SMOC1: variants seen among roughly 807,000 people sequenced by gnomAD.
SMOC1 encodes the protein SPARC-related modular calcium-binding protein 1.
A neutral mutation model predicts 56.3 loss-of-function variants in SMOC1; 22 were observed. The observed-to-expected ratio is 0.39, with a 90% confidence interval of 0.28 to 0.56. The LOEUF (loss-of-function observed/expected upper bound fraction) is 0.56. SMOC1 is among the 20% of genes least tolerant of loss of function. The pLI, the probability that SMOC1 is intolerant of heterozygous loss-of-function variation, is 0.61. For synonymous variants in SMOC1, 193 were observed against 215.0 expected, an observed-to-expected ratio of 0.90 and a Z score of 0.89; for missense variants, 509 against 565.4, an observed-to-expected ratio of 0.90 and a Z score of 1.01.
rs966322601 is a variant in SMOC1 at position 69,908,964 on chromosome 14, C to T, written c.99+29187C>T. ...TGTTTCTTTGAAATGTCCCTCTCTT[C>T]TTCTTCTCTGCCTCCCAGCACTTTA... On this transcript the variant is annotated intron_variant, in intron 1 of 11. Transcript: ENST00000361956. Among the ~76,000 whole-genome samples the T allele has an allele frequency of 3.3e-5, 5 of 152,122 alleles. No individual in the cohort carries two copies. In the South Asian group the frequency reaches 1.0e-3, roughly 31 times the overall value.
intron 7 of SMOC1, among the ~76,000 whole-genome samples, chr14:70,005,335 C>T (rs1217691657): frequency 6.6e-6 from 1 of 152,096 alleles, no homozygotes; most frequent in African/African-American, 2.4e-5. Flanking sequence ...GCACAGAGGC[C>T]TGGGCTAGTC....
At chr14:70,011,969 C>A (rs970818300) in intron 9 of SMOC1, among the ~76,000 whole-genome samples, 6 of 152,160 alleles carry the variant, frequency 3.9e-5, no homozygotes, top group African/African-American at 1.4e-4. Flanking sequence ...AGGCAGATGA[C>A]CCCTGGTGAC....
rs146403230 is a variant in SMOC1, at chr14:70,014,781, G to T, written c.1046+1290G>T. On this transcript the variant is annotated intron_variant, in intron 10 of 11. Transcript: ENST00000361956. Reference sequence around the variant, plus strand: ...TTATATGGCTCACTGAGGAGGGAGCGTTAGTCCCCCGGCATCTGCCCAGAG... The same window carrying T: ...TTATATGGCTCACTGAGGAGGGAGCTTTAGTCCCCCGGCATCTGCCCAGAG... 2.2e-3 allele frequency among the ~76,000 whole-genome samples: 337 copies of T among 152,290 alleles called. 1 individual carries two copies. Among genetic ancestry groups the T allele is most frequent in the African/African-American group, 7.9e-3 (330 of 41,568 alleles).
intron 1 of SMOC1, among the ~76,000 whole-genome samples, chr14:69,936,631 G>A (rs1429573755): frequency 6.6e-6 from 1 of 152,236 alleles, no homozygotes; most frequent in Non-Finnish European, 1.5e-5. Flanking sequence ...ATGCTTTTGA[G>A]GTGACAGCAG....
At chr14:70,020,661 G>A (rs1885682601) in intron 10 of SMOC1, among the ~76,000 whole-genome samples, 1 of 152,168 alleles carries the variant, frequency 6.6e-6, no homozygotes, top group Non-Finnish European at 1.5e-5. Flanking sequence ...GGCAGGGTGG[G>A]GGGCAGCAAT....
At chr14:69,966,680 T>C (rs186599) in intron 3 of SMOC1, among the ~76,000 whole-genome samples, 81,606 of 152,002 alleles carry the variant, frequency 0.54, 24,038 homozygotes, top group African/African-American at 0.79. Flanking sequence ...AAGCTTATTC[T>C]CACAATGAAA....
chr14:69,961,936 A>G (rs1191369477), intron 3 of SMOC1, among the ~76,000 whole-genome samples: 3 of 151,958 alleles, frequency 2.0e-5, no homozygotes, highest in African/African-American at 7.3e-5. Context: ...CATCTTTCTT[A>G]TTAGTATCTT....
chr14:70,010,302 G>C (rs1189819904), intron 7 of SMOC1, among the ~76,000 whole-genome samples: 1 of 152,168 alleles, frequency 6.6e-6, no homozygotes, highest in East Asian at 1.9e-4. Context: ...GCTGTGTCTG[G>C]GCGTGGAAGG....
chr14:69,953,538 G>A lies in SMOC1; in HGVS notation c.378+6G>A. 6.2e-7 allele frequency: 1 copy of A among 1,611,190 alleles called. No homozygotes were observed. Among genetic ancestry groups the A allele is most frequent in the East Asian group, 2.2e-5 (1 of 44,860 alleles). ...AGGATGGCTCCTTTACCCAGGTGAG[G>A]CCTCGGACAATCCTCTTGGGCTCTT... On this transcript the variant is annotated splice_donor_region_variant and intron_variant, in intron 3 of 11. Coordinates refer to ENST00000361956, the MANE Select transcript of SMOC1 (RefSeq NM_001034852.3).
intron 3 of SMOC1, among the ~76,000 whole-genome samples, chr14:69,972,815 C>T (rs1207467695): frequency 6.6e-6 from 1 of 152,230 alleles, no homozygotes; most frequent in African/African-American, 2.4e-5. Context: ...CCTTTGCTGG[C>T]ACTCTGTGCA....
rs147467471 is a variant in SMOC1 at position 69,975,072 on chromosome 14, G to A, written c.379-643G>A. ...AGGATTAGAATTTTTGACTGGGTGCGGTGGCTCACGCCTGTAATCCCAGTA... is the reference window on the plus strand; with the variant it reads ...AGGATTAGAATTTTTGACTGGGTGCAGTGGCTCACGCCTGTAATCCCAGTA... On this transcript the variant is annotated intron_variant, in intron 3 of 11. Coordinates refer to ENST00000361956, the MANE Select transcript of SMOC1 (RefSeq NM_001034852.3). 2.2e-4 allele frequency among the ~76,000 whole-genome samples: 34 copies of A among 152,180 alleles called. 1 individual carries two copies. In the South Asian group the frequency reaches 5.2e-3, roughly 23 times the overall value.
At chr14:70,001,439 G>A (rs1884965883) in intron 7 of SMOC1, among the ~76,000 whole-genome samples, 1 of 152,176 alleles carries the variant, frequency 6.6e-6, no homozygotes, top group South Asian at 2.1e-4. Context: ...CAGTGGGGAG[G>A]AGTATTTTAT....
At chr14:69,906,623 G>A (rs1363568907) in intron 1 of SMOC1, among the ~76,000 whole-genome samples, 1 of 152,182 alleles carries the variant, frequency 6.6e-6, no homozygotes, top group Non-Finnish European at 1.5e-5. Context: ...TAAGTTTTGG[G>A]AAAATTTGCT....
At chr14:69,900,996 A>T (rs951223943) in intron 1 of SMOC1, among the ~76,000 whole-genome samples, 2 of 152,218 alleles carry the variant, frequency 1.3e-5, no homozygotes, top group African/African-American at 4.8e-5. Flanking sequence ...ACTGACATGA[A>T]ATTGGGAATC....
At chr14:69,931,105 G>T (rs1471217897) in intron 1 of SMOC1, among the ~76,000 whole-genome samples, 1 of 152,148 alleles carries the variant, frequency 6.6e-6, no homozygotes, top group Admixed American at 6.5e-5. Context: ...GCTTCCACGG[G>T]TTCTTTCTGG....
intron 10 of SMOC1, among the ~76,000 whole-genome samples, chr14:70,020,342 G>A (rs1885665342): frequency 6.6e-6 from 1 of 152,198 alleles, no homozygotes; most frequent in Admixed American, 6.5e-5. Flanking sequence ...TGTACTTGGA[G>A]TTTGGCCTGG....
At chr14:69,940,371 G>T (rs377643735) in intron 1 of SMOC1, among the ~76,000 whole-genome samples, 1 of 152,192 alleles carries the variant, frequency 6.6e-6, no homozygotes, top group East Asian at 1.9e-4. Context: ...AAGCCAGCAG[G>T]CTCAGTGCCA....
At chr14:69,930,741 T>G (rs1178001986) in intron 1 of SMOC1, among the ~76,000 whole-genome samples, 2 of 152,194 alleles carry the variant, frequency 1.3e-5, no homozygotes, top group Non-Finnish European at 2.9e-5. Flanking sequence ...TGAAGCCGGC[T>G]TCCCAGGCAA....
Position 70,031,412 on chromosome 14 carries a change from G to A in SMOC1, c.*1154G>A, listed in dbSNP as rs911721477. On this transcript the variant is annotated 3_prime_UTR_variant, in exon 12 of 12. Coordinates refer to ENST00000361956, the MANE Select transcript of SMOC1 (RefSeq NM_001034852.3). ...GTCCTAGTGGCTATCACAGGCCTGG[G>A]TGGGTGGGTTGGGGGAGGTGTCAGT... 1 of 149,272 alleles carries A rather than the reference G, an allele frequency of 6.7e-6. No homozygotes were observed. The highest frequency in any genetic ancestry group is 6.7e-5 in the Admixed American group (1 of 14,990). 9.2% of individuals were successfully genotyped at this position (149,272 alleles called of 1,614,324 possible). A position where few individuals can be genotyped will look rare whatever the true frequency, so the allele number is the denominator to read the frequency against.
Sources: allele counts gnomAD v4.1 joint callset (sites outside exome capture counted in the v4.1 genomes callset), GRCh38; gene constraint gnomAD v4.1.1; transcripts MANE v1.5; gene names NCBI Gene and HGNC (gene_info 2026-07-23, HGNC 2026-07-21).